Variants in UNC5D observed in about 807,000 individuals in gnomAD.
The protein encoded by UNC5D is netrin receptor UNC5D.
A neutral mutation model predicts 105.4 loss-of-function variants in UNC5D; 39 were observed. The ratio of observed to expected loss-of-function variants is 0.37; its 90% CI spans 0.29 to 0.48. The LOEUF (loss-of-function observed/expected upper bound fraction) is 0.48, where lower values mean the gene tolerates loss of function less well. Ranked by LOEUF, UNC5D falls within the 20% of genes least tolerant of loss-of-function variation. The pLI, the probability that UNC5D is intolerant of heterozygous loss-of-function variation, is 0.98. For missense variants in UNC5D, 991 were observed against 1,202.4 expected (o/e 0.82, Z 2.60); for synonymous variants, 452 against 450.4 (o/e 1.00, Z -0.04).
At chr8:35,573,137 T>C (rs1183051000) in intron 3 of UNC5D, among the ~76,000 whole-genome samples, 1 of 152,196 alleles carries the variant, frequency 6.6e-6, no homozygotes, top group East Asian at 1.9e-4. Context: ...CCTGGATACC[T>C]ACAGATGCTG....
intron 10 of UNC5D, among the ~76,000 whole-genome samples, chr8:35,729,213 T>A (rs186413871): frequency 1.1e-4 from 16 of 152,284 alleles, no homozygotes; most frequent in African/African-American, 3.8e-4. Flanking sequence ...AGGAATAAGG[T>A]GTGATCTGCG....
intron 4 of UNC5D, among the ~76,000 whole-genome samples, chr8:35,607,568 G>A (rs1419741262): frequency 6.6e-6 from 1 of 152,158 alleles, no homozygotes; most frequent in East Asian, 1.9e-4. Context: ...ATCCCCATGT[G>A]TCAAGGCAGA....
chr8:35,393,376 G>A (rs369992718), intron 1 of UNC5D, among the ~76,000 whole-genome samples: 5 of 151,570 alleles, frequency 3.3e-5, no homozygotes, highest in South Asian at 2.1e-4. Context: ...CTCGTGATCC[G>A]CCCGCCTCGG....
chr8:35,311,838 G>C (rs1192309915), intron 1 of UNC5D, among the ~76,000 whole-genome samples: 1 of 152,088 alleles, frequency 6.6e-6, no homozygotes, highest in Non-Finnish European at 1.5e-5. Context: ...CCTTGTATTA[G>C]GACCTCCATG....
At chr8:35,336,919 A>C (rs1811089035) in intron 1 of UNC5D, among the ~76,000 whole-genome samples, 1 of 152,150 alleles carries the variant, frequency 6.6e-6, no homozygotes, top group Admixed American at 6.5e-5. Flanking sequence ...TAACAGCTGG[A>C]TGCTGGATGA....
chr8:35,533,002 G>A lies in UNC5D; in HGVS notation c.104-16290G>A, dbSNP rs1380494023. Among the ~76,000 whole-genome samples, 4 of 144,946 alleles carry A rather than the reference G, an allele frequency of 2.8e-5. No homozygotes were observed. The East Asian group carries it at 6.0e-4, about 22-fold the overall frequency. ...TTGCCTTTGGTTTGAATGTCCTCCC[G>A]TAGCTCAGAGTAATTTGATCGTCTG... On this transcript the variant is annotated intron_variant, in intron 1 of 16. Coordinates refer to ENST00000404895, the MANE Select transcript of UNC5D (RefSeq NM_080872.4).
In UNC5D at chr8:35,794,036, C is replaced by T. The variant is rs1251826349; in HGVS notation, c.*3473C>T. ...TATTTTCCTTGAGAAACATTCTCAG[C>T]ATCAGGATTGATAAACAAATGTAGA... is the stretch of plus-strand genomic sequence containing the variant. On this transcript the variant is annotated 3_prime_UTR_variant, in exon 17 of 17. Transcript: ENST00000404895. 1 of 152,144 alleles carries T rather than the reference C, an allele frequency of 6.6e-6. No homozygotes were observed. Among genetic ancestry groups the T allele is most frequent in the Admixed American group, 6.5e-5 (1 of 15,270 alleles). 9.4% of individuals were successfully genotyped at this position (152,144 alleles called of 1,614,324 possible).
At chr8:35,657,109 T>TATATATAC in intron 4 of UNC5D, among the ~76,000 whole-genome samples, 1 of 117,036 alleles carries the variant, frequency 8.5e-6, no homozygotes, top group African/African-American at 3.0e-5. Flanking sequence ...TATATATATA[T>TATATATAC]ATATATATAT....
chr8:35,513,605 T>C (rs974882934), intron 1 of UNC5D, among the ~76,000 whole-genome samples: 2 of 152,234 alleles, frequency 1.3e-5, no homozygotes, highest in African/African-American at 4.8e-5. Context: ...CCCTGCTTTA[T>C]TTTTCCCTAC....
intron 1 of UNC5D, among the ~76,000 whole-genome samples, chr8:35,239,917 CTT>C (rs1802698614): frequency 6.7e-6 from 1 of 149,454 alleles, no homozygotes; most frequent in Admixed American, 6.7e-5. Context: ...TTCCTTTTTC[CTT>C]TTTCTCTTTT....
rs117632368 is a variant in UNC5D, at chr8:35,703,372, G to A, written c.1085-2557G>A. On this transcript the variant is annotated intron_variant, in intron 7 of 16. Transcript: ENST00000404895. ...GGAATTTGTATTCCCATTTTACTGT[G>A]AGAATACTGAGGACACACGGAATGT... Among the ~76,000 whole-genome samples the A allele has an allele frequency of 1.2e-3, 178 of 152,232 alleles. 1 individual carries two copies. The East Asian group carries it at 0.027, about 23-fold the overall frequency.
At chr8:35,242,853 T>G (rs1049972716) in intron 1 of UNC5D, among the ~76,000 whole-genome samples, 1 of 151,716 alleles carries the variant, frequency 6.6e-6, no homozygotes, top group Admixed American at 6.6e-5. Context: ...TAGTTTAGGG[T>G]TGCTTAGAAG....
intron 1 of UNC5D, among the ~76,000 whole-genome samples, chr8:35,276,535 G>A (rs973713044): frequency 1.3e-5 from 2 of 152,180 alleles, no homozygotes; most frequent in African/African-American, 4.8e-5. Flanking sequence ...GTTGCATGTA[G>A]CTACCTTAAG....
rs557429030 is a variant in UNC5D, at chr8:35,602,119, G to A, written c.570+6462G>A. 9.2e-5 allele frequency among the ~76,000 whole-genome samples: 14 copies of A among 152,232 alleles called. No homozygotes were observed. In the East Asian group the frequency reaches 2.7e-3, roughly 29 times the overall value. On this transcript the variant is annotated intron_variant, in intron 4 of 16. Coordinates refer to ENST00000404895, the MANE Select transcript of UNC5D (RefSeq NM_080872.4). The stretch of plus-strand genomic sequence containing the variant: ...TTATGTTTATTGATTTTCGTATGTT[G>A]AACCAGTCTGGCATCCCAGGGATTA...
chr8:35,794,607 T>G lies in UNC5D; in HGVS notation c.*4044T>G, dbSNP rs1167069428. 2 of 152,636 alleles carry G rather than the reference T, an allele frequency of 1.3e-5. No individual in the cohort carries two copies. The highest frequency in any genetic ancestry group is 2.9e-5 in the Non-Finnish European group (2 of 68,042). The allele number at this position is 152,636 out of a possible 1,614,324, so 9.5% of individuals were successfully genotyped here. On this transcript the variant is annotated 3_prime_UTR_variant, in exon 17 of 17. Coordinates refer to ENST00000404895, the MANE Select transcript of UNC5D (RefSeq NM_080872.4). ...TTGTCTGCATAGAATTTTCCTGAAC[T>G]ACAAGCAAAAATGTATTTTGTCCAA...
chr8:35,394,499 G>T (rs1434936830), intron 1 of UNC5D, among the ~76,000 whole-genome samples: 1 of 151,846 alleles, frequency 6.6e-6, no homozygotes, highest in Non-Finnish European at 1.5e-5. Context: ...TAAAAATAAT[G>T]CTAGGATTGA....
At chr8:35,391,919 C>T (rs1164037684) in intron 1 of UNC5D, among the ~76,000 whole-genome samples, 1 of 152,144 alleles carries the variant, frequency 6.6e-6, no homozygotes, top group Non-Finnish European at 1.5e-5. Context: ...TGCTTAGTCT[C>T]GTGTTCTTTA....
chr8:35,384,018 A>G (rs1803212214), intron 1 of UNC5D, among the ~76,000 whole-genome samples: 1 of 152,134 alleles, frequency 6.6e-6, no homozygotes, highest in Admixed American at 6.5e-5. Context: ...GATCGAGACC[A>G]TCCTGGCTAA....
chr8:35,614,152 C>T (rs532962938), intron 4 of UNC5D, among the ~76,000 whole-genome samples: 3 of 152,158 alleles, frequency 2.0e-5, no homozygotes, highest in South Asian at 2.1e-4. Context: ...AGTTTTCAAG[C>T]GAGAAGCTCT....
Sources: gnomAD v4.1 joint callset for allele counts (sites outside exome capture counted in the v4.1 genomes callset) on GRCh38, gnomAD v4.1.1 for gene constraint, MANE v1.5 for transcripts, NCBI Gene and HGNC (gene_info 2026-07-23, HGNC 2026-07-21) for gene names.